Variants in TMEM164 observed in about 807,000 individuals in gnomAD.
TMEM164 encodes the protein transmembrane protein 164.
Under a neutral mutation model 18.8 loss-of-function variants are expected in TMEM164, and 4 were observed. The observed-to-expected ratio is 0.21, with a 90% CI of 0.10 to 0.49. The LOEUF is 0.49. Ranked by LOEUF, TMEM164 falls within the 20% of genes least tolerant of loss-of-function variation. The pLI is 0.98. For missense variants in TMEM164, 108 were observed against 239.9 expected, an observed-to-expected ratio of 0.45 and a Z score of 3.63; for synonymous variants, 86 against 101.7, an observed-to-expected ratio of 0.85 and a Z score of 0.93.
chrX:110,178,612 C>T (rs182219610), downstream of TMEM164, among the ~76,000 whole-genome samples: 15 of 112,481 alleles, frequency 1.3e-4, no homozygotes, highest in Admixed American at 3.7e-4. Context: ...TTTGGGCACC[C>T]AGGCTATGAA....
At chrX:110,018,758 G>A (rs1481321405) in intron 2 of TMEM164, among the ~76,000 whole-genome samples, 1 of 112,359 alleles carries the variant, frequency 8.9e-6, no homozygotes, top group Non-Finnish European at 1.9e-5. Flanking sequence ...TGCATGGCAA[G>A]TGTTTAATAA....
At chrX:110,083,448 A>G (rs182891857) in intron 3 of TMEM164, among the ~76,000 whole-genome samples, 169 of 111,308 alleles carry the variant, frequency 1.5e-3, no homozygotes, top group Middle Eastern at 9.2e-3. Flanking sequence ...ATACCCTTAT[A>G]TATGCAACAG....
At chrX:110,127,541 A>C (rs901222464) in intron 4 of TMEM164, among the ~76,000 whole-genome samples, 7 of 111,994 alleles carry the variant, frequency 6.3e-5, no homozygotes, top group Non-Finnish European at 5.6e-5. Flanking sequence ...ACAAAACAAA[A>C]CAACCACAAC....
At chrX:110,034,963 C>T (rs1003555321) in intron 2 of TMEM164, among the ~76,000 whole-genome samples, 7 of 102,864 alleles carry the variant, frequency 6.8e-5, no homozygotes, top group Non-Finnish European at 9.9e-5. Flanking sequence ...AGTAAACTAT[C>T]GCAAGAACAA....
At chrX:110,063,537 C>G (rs1321552357) in intron 2 of TMEM164, among the ~76,000 whole-genome samples, 1 of 111,067 alleles carries the variant, frequency 9.0e-6, no homozygotes, top group Non-Finnish European at 1.9e-5. Flanking sequence ...AGAGGATGAA[C>G]TGGGATAACA....
rs187541237 is a variant in TMEM164, at chrX:110,112,842, A to G, written c.507+3696A>G. 3.6e-5 allele frequency among the ~76,000 whole-genome samples: 4 copies of G among 111,487 alleles called. No individual in the cohort carries two copies. In the East Asian group the frequency reaches 8.5e-4, roughly 24 times the overall value. On this transcript the variant is annotated intron_variant, in intron 4 of 6. Transcript: ENST00000372068. ...CATCTGATTGCATAGAGCCCACTGT[A>G]ATGGCCTCCTTTGAACCTAATCACC...
downstream of TMEM164, among the ~76,000 whole-genome samples, chrX:110,179,845 C>T (rs183805116): frequency 5.4e-4 from 61 of 112,195 alleles, 1 homozygote; most frequent in African/African-American, 1.8e-3. Flanking sequence ...GAAAGTGCTC[C>T]GTGAACAAGG....
intron 3 of TMEM164, 135 bp downstream of exon 3, chrX:110,067,531 G>T: frequency 1.8e-6 from 1 of 552,792 alleles, no homozygotes; most frequent in Non-Finnish European, 3.0e-6. Context: ...AGGGATGAAG[G>T]TCTGTGAGGG....
intron 2 of TMEM164, among the ~76,000 whole-genome samples, chrX:110,039,898 G>A (rs761767562): frequency 4.8e-4 from 54 of 111,813 alleles, no homozygotes; most frequent in Non-Finnish European, 8.3e-4. Context: ...TATGTTTGAT[G>A]TGTGTGGATA....
intron 4 of TMEM164, 77 bp downstream of exon 4, chrX:110,109,223 T>C: frequency 3.0e-6 from 3 of 1,010,108 alleles, no homozygotes; most frequent in Non-Finnish European, 4.2e-6. Flanking sequence ...ATTTTAAAAA[T>C]ATACATATAG....
At chrX:110,163,373 T>C (rs187007367) in intron 5 of TMEM164, among the ~76,000 whole-genome samples, 1 of 112,598 alleles carries the variant, frequency 8.9e-6, no homozygotes, top group East Asian at 2.8e-4. Context: ...GTATATCCAG[T>C]ATTTTATCAT....
At chrX:110,026,705 G>A (rs1220118643) in intron 2 of TMEM164, among the ~76,000 whole-genome samples, 1 of 112,070 alleles carries the variant, frequency 8.9e-6, no homozygotes, top group Admixed American at 9.5e-5. Context: ...CTTGCCTACA[G>A]TCACACAGCT....
At chrX:110,116,822 TTGTG>T (rs560695330) in intron 4 of TMEM164, among the ~76,000 whole-genome samples, 2,729 of 96,983 alleles carry the variant, frequency 0.028, 33 homozygotes, top group Non-Finnish European at 0.033. Context: ...GGCCACTCCC[TTGTG>T]TGTGTGTGTG....
intron 4 of TMEM164, among the ~76,000 whole-genome samples, chrX:110,134,843 G>A (rs1194876889): frequency 1.8e-5 from 2 of 110,427 alleles, no homozygotes; most frequent in Non-Finnish European, 3.8e-5. Flanking sequence ...TTAAAAACTA[G>A]AACAAATTAA....
intron 2 of TMEM164, among the ~76,000 whole-genome samples, chrX:110,041,496 G>A (rs1935089828): frequency 9.0e-6 from 1 of 111,357 alleles, no homozygotes; most frequent in Admixed American, 9.6e-5. Flanking sequence ...TCCATTAAGT[G>A]TCTGGACATA....
At chrX:110,093,195 G>T (rs1274004948) in intron 3 of TMEM164, among the ~76,000 whole-genome samples, 1 of 111,802 alleles carries the variant, frequency 8.9e-6, no homozygotes, top group South Asian at 3.7e-4. Flanking sequence ...TCTCTGCCAG[G>T]CTTTGGTATC....
Position 110,173,778 on chromosome X carries a change from A to C in TMEM164, c.*327A>C, listed in dbSNP as rs905897552. 1 of 252,236 alleles carries C rather than the reference A, an allele frequency of 4.0e-6. No individual in the cohort carries two copies. The highest frequency in any genetic ancestry group is 6.9e-6 in the Non-Finnish European group (1 of 144,093). 20.8% of individuals were successfully genotyped at this position (252,236 alleles called of 1,213,427 possible). Reference sequence around the variant, plus strand: ...TCGGTGCTTTAACAACAGCTGGTTGAGGAGAAAGGGAACAACAAGTAGTAG... The same window carrying C: ...TCGGTGCTTTAACAACAGCTGGTTGCGGAGAAAGGGAACAACAAGTAGTAG... On this transcript the variant is annotated 3_prime_UTR_variant, in exon 7 of 7. Coordinates refer to ENST00000372068, the MANE Select transcript of TMEM164 (RefSeq NM_032227.4).
At chrX:110,091,657 T>A (rs1231119427) in intron 3 of TMEM164, among the ~76,000 whole-genome samples, 1 of 112,258 alleles carries the variant, frequency 8.9e-6, no homozygotes, top group Non-Finnish European at 1.9e-5. Flanking sequence ...ATTGTGTAGG[T>A]TGCCTGTTCA....
intron 5 of TMEM164, among the ~76,000 whole-genome samples, chrX:110,159,562 G>A (rs1229106057): frequency 9.1e-6 from 1 of 110,323 alleles, no homozygotes; most frequent in East Asian, 2.8e-4. Context: ...GTGCCTGCAT[G>A]GATGTTAAAA....
Sources: gnomAD v4.1 joint callset for allele counts (sites outside exome capture counted in the v4.1 genomes callset) on GRCh38, gnomAD v4.1.1 for gene constraint, MANE v1.5 for transcripts, NCBI Gene and HGNC (gene_info 2026-07-23, HGNC 2026-07-21) for gene names.